Variants in SNRNP48 observed in about 807,000 individuals in gnomAD.
The protein encoded by SNRNP48 is small nuclear ribonucleoprotein U11/U12 subunit 48, also known as U11/U12 small nuclear ribonucleoprotein 48 kDa protein.
SNRNP48 carries 43 observed loss-of-function variants against 47.0 expected under a neutral mutation model. That is an observed-to-expected ratio of 0.92 (90% CI 0.72 to 1.18). The LOEUF (loss-of-function observed/expected upper bound fraction) is 1.18. Ranked by LOEUF, SNRNP48 falls within the 50% of genes most tolerant of loss-of-function variation. The probability of loss-of-function intolerance (pLI) is 0.00; values close to 1 mark genes in which losing one functional copy is unlikely to be tolerated. For synonymous variants in SNRNP48, 138 were observed against 144.0 expected (o/e 0.96, Z 0.30); for missense variants, 396 against 422.2 (o/e 0.94, Z 0.54).
chr6:7,601,276 G>A, intron 4 of SNRNP48, 60 bp from the exon 5 acceptor site: 2 of 1,355,250 alleles, frequency 1.5e-6, no homozygotes, highest in Non-Finnish European at 2.0e-6. Flanking sequence ...ATAATTATTA[G>A]ATTTTAAGTT....
chr6:7,599,075 G>A (rs1240200898), intron 4 of SNRNP48, among the ~76,000 whole-genome samples: 1 of 152,146 alleles, frequency 6.6e-6, no homozygotes, highest in African/African-American at 2.4e-5. Context: ...GATCCAGTCT[G>A]TTCCTATCAC....
intron 6 of SNRNP48, 31 bp from the exon 7 acceptor site, chr6:7,605,367 T>C: frequency 1.3e-6 from 2 of 1,585,866 alleles, no homozygotes; most frequent in Non-Finnish European, 1.7e-6. Flanking sequence ...GCAGTTTTCT[T>C]ACCTGAAGTT....
intron 4 of SNRNP48, among the ~76,000 whole-genome samples, chr6:7,599,463 G>T (rs1759972976): frequency 6.6e-6 from 1 of 152,078 alleles, no homozygotes; most frequent in African/African-American, 2.4e-5. Context: ...GCAAAAACAG[G>T]CAGCCAAAGG....
Position 7,610,556 on chromosome 6 carries a change from T to A in SNRNP48, c.*1683T>A, listed in dbSNP as rs971395935. ...AATTTTGTTTCAAATTGTGATTTCATTGATTTTACTAACTGGAAGGAAGAA... is the reference window on the plus strand; with the variant it reads ...AATTTTGTTTCAAATTGTGATTTCAATGATTTTACTAACTGGAAGGAAGAA... On this transcript the variant is annotated 3_prime_UTR_variant, in exon 9 of 9. Coordinates refer to ENST00000342415, the MANE Select transcript of SNRNP48 (RefSeq NM_152551.4). The A allele has an allele frequency of 8.5e-5, 13 of 152,220 alleles. No individual in the cohort carries two copies. The highest frequency in any genetic ancestry group is 3.1e-4 in the African/African-American group (13 of 41,462). 9.4% of individuals were successfully genotyped at this position (152,220 alleles called of 1,614,324 possible).
chr6:7,590,393 G>A lies in SNRNP48; in HGVS notation c.136G>A (p.Gly46Arg). The change falls in exon 1 of 9, where the codon GGG becomes AGG. Residue 46 changes from glycine to arginine, a missense_variant. Coordinates refer to ENST00000342415, the MANE Select transcript of SNRNP48 (RefSeq NM_152551.4). ...LGWDLDSLDP[G>R]EEEAAEDEVV... ...CTGGGACCTAGATAGTCTGGATCCCGGGGAAGAGGAGGCGGCGGAGGTGAG... is the reference window on the plus strand; with the variant it reads ...CTGGGACCTAGATAGTCTGGATCCCAGGGAAGAGGAGGCGGCGGAGGTGAG... 7.5e-7 allele frequency: 1 copy of A among 1,329,778 alleles called. No individual in the cohort carries two copies. The highest frequency in any genetic ancestry group is 9.7e-7 in the Non-Finnish European group (1 of 1,028,150). 82.4% of individuals were successfully genotyped at this position (1,329,778 alleles called of 1,614,324 possible).
At chr6:7,606,740 T>C (rs1010003266) in intron 8 of SNRNP48, among the ~76,000 whole-genome samples, 4 of 152,212 alleles carry the variant, frequency 2.6e-5, no homozygotes, top group African/African-American at 9.7e-5. Flanking sequence ...TTACAAGGCA[T>C]GTACCTGGAT....
intron 1 of SNRNP48, among the ~76,000 whole-genome samples, chr6:7,591,377 A>G (rs1175258074): frequency 1.3e-5 from 2 of 152,128 alleles, no homozygotes; most frequent in Non-Finnish European, 2.9e-5. Context: ...GAGGAAGGGA[A>G]GTGCTCCAAT....
At chr6:7,601,728 A>C (rs1049927524) in intron 5 of SNRNP48, among the ~76,000 whole-genome samples, 10 of 152,196 alleles carry the variant, frequency 6.6e-5, no homozygotes, top group Non-Finnish European at 1.2e-4. Flanking sequence ...TATTTGGAAA[A>C]AATAAAAGTG....
Position 7,610,121 on chromosome 6 carries a change from C to G in SNRNP48, c.*1248C>G, listed in dbSNP as rs1197887932. 2 of 152,100 alleles carry G rather than the reference C, an allele frequency of 1.3e-5. No individual in the cohort carries two copies. Among genetic ancestry groups the G allele is most frequent in the Non-Finnish European group, 2.9e-5 (2 of 68,020 alleles). The allele number at this position is 152,100 out of a possible 1,614,324, so 9.4% of individuals were successfully genotyped here. ...ATGTTCTATCTTATGTCAGATCATT[C>G]ACGTGAGACTTTGGCATGAAATGTT... On this transcript the variant is annotated 3_prime_UTR_variant, in exon 9 of 9. Coordinates refer to ENST00000342415, the MANE Select transcript of SNRNP48 (RefSeq NM_152551.4).
chr6:7,604,157 C>T (rs1164541632), intron 6 of SNRNP48, among the ~76,000 whole-genome samples: 3 of 152,184 alleles, frequency 2.0e-5, no homozygotes, highest in Non-Finnish European at 2.9e-5. Flanking sequence ...GGCTTCAAGG[C>T]GCTTACATAG....
At chr6:7,598,469 T>C (rs1330959650) in intron 4 of SNRNP48, among the ~76,000 whole-genome samples, 3 of 152,112 alleles carry the variant, frequency 2.0e-5, no homozygotes, top group Admixed American at 1.3e-4. Context: ...CACTCCAGTC[T>C]GGACGACAGG....
chr6:7,607,484 G>A (rs1301415274), intron 8 of SNRNP48, among the ~76,000 whole-genome samples: 1 of 152,130 alleles, frequency 6.6e-6, no homozygotes, highest in Non-Finnish European at 1.5e-5. Flanking sequence ...CATCCACACT[G>A]TGCCACATCT....
rs528334300 is a variant in SNRNP48, at chr6:7,605,579, C to T, written c.806+93C>T. ...GTTAAATTTTAGCATTTCCAAAACC[C>T]TTGATAGCACACAGTAAACTCGTGA... On this transcript the variant is annotated intron_variant, in intron 7 of 8. Coordinates refer to ENST00000342415, the MANE Select transcript of SNRNP48 (RefSeq NM_152551.4). The T allele has an allele frequency of 3.5e-6, 4 of 1,132,162 alleles. No individual in the cohort carries two copies. The African/African-American group carries it at 6.2e-5, about 18-fold the overall frequency. The allele number at this position is 1,132,162 out of a possible 1,614,324, so 70.1% of individuals were successfully genotyped here.
intron 7 of SNRNP48, 130 bp from the exon 8 acceptor site, chr6:7,605,901 T>C (rs1368723493): frequency 4.1e-6 from 4 of 977,884 alleles, no homozygotes; most frequent in Non-Finnish European, 6.0e-6. Flanking sequence ...GGTTATAAGA[T>C]TGTGCATATT....
At chr6:7,596,019 T>C (rs1759898590) in intron 4 of SNRNP48, among the ~76,000 whole-genome samples, 1 of 152,130 alleles carries the variant, frequency 6.6e-6, no homozygotes, top group Non-Finnish European at 1.5e-5. Context: ...ATCCCAGCAC[T>C]TTGGGAGGCC....
intron 5 of SNRNP48, 68 bp downstream of exon 5, chr6:7,601,592 G>A: frequency 7.3e-7 from 1 of 1,377,196 alleles, no homozygotes; most frequent in Non-Finnish European, 9.5e-7. Flanking sequence ...TTATTAAGAT[G>A]ATTTAATTCT....
At chr6:7,603,406 G>T (rs1225042314) in intron 6 of SNRNP48, among the ~76,000 whole-genome samples, 1 of 151,968 alleles carries the variant, frequency 6.6e-6, no homozygotes, top group African/African-American at 2.4e-5. Context: ...ACAAATAATT[G>T]CCTCATTGAT....
At chr6:7,607,214 G>A (rs1405095930) in intron 8 of SNRNP48, among the ~76,000 whole-genome samples, 1 of 152,154 alleles carries the variant, frequency 6.6e-6, no homozygotes, top group East Asian at 1.9e-4. Flanking sequence ...GCCACTTGTG[G>A]GGCTGAAGCA....
chr6:7,607,305 G>A (rs1277717024), intron 8 of SNRNP48, among the ~76,000 whole-genome samples: 2 of 152,164 alleles, frequency 1.3e-5, no homozygotes, highest in Non-Finnish European at 2.9e-5. Context: ...GCAACAAAGT[G>A]AGACCCTGTC....
Sources: allele counts gnomAD v4.1 joint callset (sites outside exome capture counted in the v4.1 genomes callset), GRCh38; gene constraint gnomAD v4.1.1; transcripts MANE v1.5; gene names NCBI Gene and HGNC (gene_info 2026-07-23, HGNC 2026-07-21).